The following CNTN5 variants were observed in gnomAD, a reference collection of about 807,000 sequenced individuals.
The protein encoded by CNTN5 is contactin 5.
Under a neutral mutation model 129.1 loss-of-function variants are expected in CNTN5, and 77 were observed. The ratio of observed to expected loss-of-function variants is 0.60; its 90% confidence interval spans 0.50 to 0.72. The LOEUF (loss-of-function observed/expected upper bound fraction) is 0.72, where lower values mean the gene tolerates loss of function less well. Ranked by LOEUF, CNTN5 falls within the 30% of genes least tolerant of loss-of-function variation. CNTN5 has a pLI of 0.00. For synonymous variants in CNTN5, 509 were observed against 465.6 expected (o/e 1.09, Z -1.20); for missense variants, 1,478 against 1,328.8 (o/e 1.11, Z -1.75).
chr11:100,229,587 T>C (rs949079590), intron 16 of CNTN5, among the ~76,000 whole-genome samples: 4 of 152,214 alleles, frequency 2.6e-5, no homozygotes, highest in Non-Finnish European at 5.9e-5. Context: ...TTGGAAAAGA[T>C]GCAAGTACTA....
At chr11:99,809,958 A>G (rs1017680673) in intron 3 of CNTN5, among the ~76,000 whole-genome samples, 5 of 152,098 alleles carry the variant, frequency 3.3e-5, no homozygotes, top group Non-Finnish European at 4.4e-5. Flanking sequence ...TATATTTCTC[A>G]ACTAGCTCCT....
chr11:99,091,508 T>C (rs1866249805), intron 1 of CNTN5, among the ~76,000 whole-genome samples: 1 of 151,684 alleles, frequency 6.6e-6, no homozygotes, highest in African/African-American at 2.4e-5. Context: ...AGTCAGAGAG[T>C]TGAGGAGTGT....
chr11:99,563,012 A>G (rs1948891314), intron 3 of CNTN5, among the ~76,000 whole-genome samples: 1 of 152,228 alleles, frequency 6.6e-6, no homozygotes. Flanking sequence ...GGATGTAATA[A>G]TGAGTTATAA....
intron 1 of CNTN5, among the ~76,000 whole-genome samples, chr11:99,157,714 T>G (rs1408850898): frequency 6.6e-6 from 1 of 152,202 alleles, no homozygotes; most frequent in Non-Finnish European, 1.5e-5. Flanking sequence ...CATTTCTCAG[T>G]ATGATTAGCT....
At chr11:99,672,467 C>G (rs1565412065) in intron 3 of CNTN5, among the ~76,000 whole-genome samples, 1 of 151,656 alleles carries the variant, frequency 6.6e-6, no homozygotes, top group Non-Finnish European at 1.5e-5. Flanking sequence ...GAGATTTGGC[C>G]CCCAGAGGGT....
intron 4 of CNTN5, among the ~76,000 whole-genome samples, chr11:99,828,701 A>G (rs1197571507): frequency 1.3e-5 from 2 of 152,216 alleles, no homozygotes; most frequent in African/African-American, 4.8e-5. Context: ...AGTAAGATAC[A>G]TGGAAAACTG....
intron 9 of CNTN5, among the ~76,000 whole-genome samples, chr11:100,009,651 A>G (rs1940407540): frequency 1.3e-5 from 2 of 152,142 alleles, no homozygotes; most frequent in Admixed American, 6.6e-5. Flanking sequence ...GAGTTGTTAC[A>G]GGGAAACTGG....
At chr11:99,983,681 TC>T (rs1193205016) in intron 8 of CNTN5, among the ~76,000 whole-genome samples, 1 of 152,166 alleles carries the variant, frequency 6.6e-6, no homozygotes, top group Non-Finnish European at 1.5e-5. Context: ...ACCATTTCAT[TC>T]TGTTGAGTAA....
intron 3 of CNTN5, among the ~76,000 whole-genome samples, chr11:99,725,096 A>G (rs1943293710): frequency 6.6e-6 from 1 of 152,182 alleles, no homozygotes; most frequent in Non-Finnish European, 1.5e-5. Context: ...TGAATTTTCT[A>G]GTTGTGTAAT....
At chr11:99,074,255 C>T (rs1345461880) in intron 1 of CNTN5, among the ~76,000 whole-genome samples, 2 of 147,204 alleles carry the variant, frequency 1.4e-5, no homozygotes, top group African/African-American at 5.0e-5. Flanking sequence ...TGTTTAAGTT[C>T]CTTGTAGATT....
chr11:99,736,273 A>C (rs1011355768), intron 3 of CNTN5, among the ~76,000 whole-genome samples: 68 of 152,252 alleles, frequency 4.5e-4, no homozygotes, highest in African/African-American at 1.4e-3. Context: ...GGGGTTAGCT[A>C]GGTTTCTCAG....
chr11:99,333,522 T>C (rs2614546), intron 2 of CNTN5, among the ~76,000 whole-genome samples: 9,325 of 152,122 alleles, frequency 0.061, 339 homozygotes, highest in Non-Finnish European at 0.074. Context: ...CCCAAATAGA[T>C]TGATTACTTA....
chr11:99,863,912 G>A (rs113996828), intron 6 of CNTN5, among the ~76,000 whole-genome samples: 2,380 of 152,210 alleles, frequency 0.016, 28 homozygotes, highest in Middle Eastern at 0.065. Context: ...AGTCAAGGGG[G>A]TATGAAGGTA....
At chr11:100,130,113 A>G (rs1946327457) in intron 13 of CNTN5, among the ~76,000 whole-genome samples, 2 of 152,182 alleles carry the variant, frequency 1.3e-5, no homozygotes. Flanking sequence ...ATATACACAC[A>G]CCATATTCAA....
chr11:100,285,429 C>G (rs1950757614), intron 18 of CNTN5, among the ~76,000 whole-genome samples: 1 of 152,176 alleles, frequency 6.6e-6, no homozygotes, highest in Non-Finnish European at 1.5e-5. Context: ...ACATGGCACA[C>G]TCCACAGAGC....
chr11:99,573,748 G>A (rs1346914318), intron 3 of CNTN5, among the ~76,000 whole-genome samples: 2 of 151,742 alleles, frequency 1.3e-5, no homozygotes, highest in Non-Finnish European at 2.9e-5. Context: ...TCCTGCCCCT[G>A]ACCATTTCCT....
rs953984715 is a variant in CNTN5 at position 99,212,406 on chromosome 11, T to C, written c.-209-112940T>C. Among the ~76,000 whole-genome samples the C allele has an allele frequency of 2.0e-5, 3 of 152,200 alleles. 1 individual carries two copies. The South Asian group carries it at 6.2e-4, about 31-fold the overall frequency. On this transcript the variant is annotated intron_variant, in intron 1 of 24. Coordinates refer to ENST00000524871, the MANE Select transcript of CNTN5 (RefSeq NM_014361.4). ...TAGGATGATTTCTAAATATTTCTTATAAGTCTTTTGACTATTTCCACTATC... is the reference window on the plus strand; with the variant it reads ...TAGGATGATTTCTAAATATTTCTTACAAGTCTTTTGACTATTTCCACTATC...
rs1948469565 is a variant in CNTN5, at chr11:100,191,042, T to C, written c.1581-84T>C. ...ATCTTACTTATTATCACCCTAGAAA[T>C]GGTTTTAGACTTCATCATTGGTTCT... On this transcript the variant is annotated intron_variant, in intron 13 of 24. Coordinates refer to ENST00000524871, the MANE Select transcript of CNTN5 (RefSeq NM_014361.4). 1.7e-5 allele frequency: 15 copies of C among 857,658 alleles called. No individual in the cohort carries two copies. In the South Asian group the frequency reaches 2.8e-4, roughly 16 times the overall value. The allele number at this position is 857,658 out of a possible 1,614,324, so 53.1% of individuals were successfully genotyped here. A position where few individuals can be genotyped will look rare whatever the true frequency, so the allele number is the denominator to read the frequency against.
At chr11:99,995,771 C>A (rs1310089689) in intron 8 of CNTN5, among the ~76,000 whole-genome samples, 1 of 152,120 alleles carries the variant, frequency 6.6e-6, no homozygotes, top group Non-Finnish European at 1.5e-5. Flanking sequence ...TAGGGGGCTT[C>A]TAAAAATTAA....
Sources: gnomAD v4.1 joint callset for allele counts (sites outside exome capture counted in the v4.1 genomes callset) on GRCh38, gnomAD v4.1.1 for gene constraint, MANE v1.5 for transcripts, NCBI Gene and HGNC (gene_info 2026-07-23, HGNC 2026-07-21) for gene names.